Variants in ZBTB7C observed in about 807,000 individuals in gnomAD.
ZBTB7C encodes the protein zinc finger and BTB domain containing 7C.
Under a neutral mutation model 25.7 loss-of-function variants are expected in ZBTB7C, and 8 were observed. That is an observed-to-expected ratio of 0.31 (90% CI 0.18 to 0.56). The LOEUF (loss-of-function observed/expected upper bound fraction) is 0.56, where lower values mean the gene tolerates loss of function less well. ZBTB7C is among the 20% of genes least tolerant of loss of function. The pLI is 0.91. For missense variants in ZBTB7C, 824 were observed against 855.2 expected (o/e 0.96, Z 0.46); for synonymous variants, 394 against 369.0 (o/e 1.07, Z -0.78).
chr18:48,092,662 T>C (rs1162033301), intron 3 of ZBTB7C, among the ~76,000 whole-genome samples: 1 of 152,200 alleles, frequency 6.6e-6, no homozygotes, highest in Non-Finnish European at 1.5e-5. Context: ...CTTATGGGGA[T>C]GGTTTACGCC....
intron 3 of ZBTB7C, chr18:48,041,441 G>C: frequency 1.0e-6 from 1 of 985,460 alleles, no homozygotes; most frequent in East Asian, 1.1e-4. Flanking sequence ...TGCAGTTGCA[G>C]AATACAACTG....
chr18:48,383,563 T>C (rs1013009388), intron 1 of ZBTB7C, among the ~76,000 whole-genome samples: 12 of 152,202 alleles, frequency 7.9e-5, no homozygotes, highest in South Asian at 6.2e-4. Context: ...CTACCGTGCC[T>C]GGCCAAGTGC....
At chr18:48,141,091 C>T (rs112009058) in intron 3 of ZBTB7C, among the ~76,000 whole-genome samples, 305 of 152,080 alleles carry the variant, frequency 2.0e-3, no homozygotes, top group Non-Finnish European at 3.6e-3. Flanking sequence ...GCCCTTCTCT[C>T]GCCAAACTCC....
chr18:48,136,401 C>A (rs1455144264), intron 3 of ZBTB7C, among the ~76,000 whole-genome samples: 1 of 152,192 alleles, frequency 6.6e-6, no homozygotes, highest in Non-Finnish European at 1.5e-5. Flanking sequence ...AGCCCAGGGA[C>A]CTGACAGGGC....
At chr18:48,237,340 G>T (rs2145377108) in intron 2 of ZBTB7C, among the ~76,000 whole-genome samples, 1 of 113,186 alleles carries the variant, frequency 8.8e-6, no homozygotes, top group South Asian at 3.6e-4. Context: ...AAGAATGGAG[G>T]CTGGGAGCAA....
chr18:48,340,470 A>AT (rs2046573026), intron 1 of ZBTB7C, among the ~76,000 whole-genome samples: 1 of 152,196 alleles, frequency 6.6e-6, no homozygotes, highest in East Asian at 1.9e-4. Flanking sequence ...CAGGCTGTCC[A>AT]TGGATCCTTG....
chr18:48,191,540 G>A (rs1327900623), intron 2 of ZBTB7C, among the ~76,000 whole-genome samples: 1 of 152,252 alleles, frequency 6.6e-6, no homozygotes, highest in Middle Eastern at 3.2e-3. Context: ...CATGGTGGCG[G>A]GTGGAGGACA....
intron 3 of ZBTB7C, among the ~76,000 whole-genome samples, chr18:48,181,708 C>T (rs539710678): frequency 2.6e-5 from 4 of 152,326 alleles, no homozygotes; most frequent in African/African-American, 9.6e-5. Context: ...CCAGTCACCC[C>T]CTTACTCCCA....
At chr18:48,349,676 C>T (rs545308938) in intron 1 of ZBTB7C, among the ~76,000 whole-genome samples, 1 of 152,302 alleles carries the variant, frequency 6.6e-6, no homozygotes, top group African/African-American at 2.4e-5. Context: ...AGCCCTACCA[C>T]CACTCAGACT....
At chr18:48,088,442 C>G (rs1441543696) in intron 3 of ZBTB7C, 9 of 152,062 alleles carry the variant, frequency 5.9e-5, no homozygotes, top group Admixed American at 5.9e-4. Flanking sequence ...AACAAAAAAA[C>G]ACAACTGTAT....
intron 3 of ZBTB7C, among the ~76,000 whole-genome samples, chr18:48,112,881 G>A (rs923005965): frequency 1.3e-5 from 2 of 152,164 alleles, no homozygotes; most frequent in African/African-American, 4.8e-5. Flanking sequence ...TATGAAATGA[G>A]TATTTCAGTG....
intron 1 of ZBTB7C, among the ~76,000 whole-genome samples, chr18:48,363,959 AC>A (rs544702614): frequency 7.9e-5 from 12 of 151,450 alleles, no homozygotes; most frequent in Non-Finnish European, 1.8e-4. Flanking sequence ...TACCCACTCC[AC>A]CCCTCAGGGC....
intron 3 of ZBTB7C, among the ~76,000 whole-genome samples, chr18:48,120,591 AGAGT>A (rs1436154723): frequency 6.6e-6 from 1 of 152,176 alleles, no homozygotes; most frequent in East Asian, 1.9e-4. Flanking sequence ...GCCTGGTGAC[AGAGT>A]GAGACTCCGT....
chr18:48,034,568 C>A (rs72918150), intron 4 of ZBTB7C, among the ~76,000 whole-genome samples: 1 of 151,966 alleles, frequency 6.6e-6, no homozygotes, highest in Non-Finnish European at 1.5e-5. Context: ...AGTTCTGGTA[C>A]CTGCTTTGAT....
At chr18:48,191,521 G>A (rs2042194831) in intron 2 of ZBTB7C, among the ~76,000 whole-genome samples, 1 of 152,280 alleles carries the variant, frequency 6.6e-6, no homozygotes, top group Non-Finnish European at 1.5e-5. Flanking sequence ...TTCCCTGGGA[G>A]GTGAGCTCCA....
intron 1 of ZBTB7C, among the ~76,000 whole-genome samples, chr18:48,404,959 A>T (rs1400727863): frequency 6.6e-6 from 1 of 152,122 alleles, no homozygotes; most frequent in East Asian, 1.9e-4. Flanking sequence ...TCCAGCCCTG[A>T]CCTCTCCATC....
intron 2 of ZBTB7C, among the ~76,000 whole-genome samples, chr18:48,193,831 G>A (rs77344406): frequency 0.019 from 2,827 of 152,338 alleles, 99 homozygotes; most frequent in African/African-American, 0.065. Flanking sequence ...GGGACCCATC[G>A]TGGGGGTGCC....
At chr18:48,179,985 CCCTT>C (rs748722742) in intron 3 of ZBTB7C, among the ~76,000 whole-genome samples, 224 of 110,646 alleles carry the variant, frequency 2.0e-3, no homozygotes, top group Non-Finnish European at 3.5e-3. Flanking sequence ...TTCCCTCCCT[CCCTT>C]CCTTCCTTAC....
intron 1 of ZBTB7C, among the ~76,000 whole-genome samples, chr18:48,380,812 T>C (rs1025643261): frequency 2.0e-5 from 3 of 152,222 alleles, no homozygotes; most frequent in Non-Finnish European, 2.9e-5. Context: ...TGTACCATAC[T>C]AATATAAGAT....
Sources: gnomAD v4.1 joint callset for allele counts (sites outside exome capture counted in the v4.1 genomes callset) on GRCh38, gnomAD v4.1.1 for gene constraint, MANE v1.5 for transcripts, NCBI Gene and HGNC (gene_info 2026-07-23, HGNC 2026-07-21) for gene names.